Variants in CIITA observed in about 807,000 individuals in gnomAD.
CIITA encodes the protein class II major histocompatibility complex transactivator, also known as MHC class II transactivator.
CIITA carries 72 observed loss-of-function variants against 115.1 expected under a neutral mutation model. The ratio of observed to expected loss-of-function variants is 0.63; its 90% CI spans 0.52 to 0.76. CIITA has a LOEUF of 0.76. Ranked by LOEUF, CIITA falls within the 30% of genes least tolerant of loss-of-function variation. CIITA has a pLI of 0.00. For synonymous variants in CIITA, 763 were observed against 635.6 expected (o/e 1.20, Z -3.02); for missense variants, 1,617 against 1,463.8 (o/e 1.10, Z -1.71).
chr16:10,924,916 T>G lies in CIITA; in HGVS notation c.*1061T>G, dbSNP rs1201087306. 1 of 152,284 alleles carries G rather than the reference T, an allele frequency of 6.6e-6. No homozygotes were observed. The highest frequency in any genetic ancestry group is 1.5e-5 in the Non-Finnish European group (1 of 68,048). The allele number at this position is 152,284 out of a possible 1,614,324, so 9.4% of individuals were successfully genotyped here. A position where few individuals can be genotyped will look rare whatever the true frequency, so the allele number is the denominator to read the frequency against. On this transcript the variant is annotated 3_prime_UTR_variant, in exon 20 of 20. Transcript: ENST00000324288. ...CCTGTTACCATTTTGGGGTACCCAC[T>G]GCTCTGGTTATCTAATATGTAACAA...
At chr16:10,902,613 CA>C (rs1345989915) in intron 7 of CIITA, 44 bp from the exon 8 acceptor site, 1 of 1,612,412 alleles carries the variant, frequency 6.2e-7, no homozygotes, top group Admixed American at 1.7e-5. Context: ...ATCGCAAACA[CA>C]GGTGCTATGC....
At chr16:10,875,453 T>C (rs2035766009), upstream of CIITA, among the ~76,000 whole-genome samples, 1 of 152,066 alleles carries the variant, frequency 6.6e-6, no homozygotes. Context: ...ATGGGGAAAC[T>C]GAGGACCACA....
chr16:10,877,723 AG>A lies in CIITA; in HGVS notation c.52+345del, dbSNP rs2035971297. On this transcript the variant is annotated intron_variant, in intron 1 of 19. Coordinates refer to ENST00000324288, the MANE Select transcript of CIITA (RefSeq NM_000246.4). Reference sequence around the variant, plus strand: ...CTCGCCTCCCTTTGGGTAAATACTGAGGGGTGCCTCTGCAGGACGGGACCTC... The same window carrying A: ...CTCGCCTCCCTTTGGGTAAATACTGAGGGTGCCTCTGCAGGACGGGACCTC... Among the ~76,000 whole-genome samples the A allele has an allele frequency of 2.0e-5, 3 of 152,058 alleles. No homozygotes were observed. The South Asian group carries it at 6.2e-4, about 32-fold the overall frequency.
upstream of CIITA, among the ~76,000 whole-genome samples, chr16:10,876,164 A>AG (rs1408554039): frequency 6.6e-6 from 1 of 151,954 alleles, no homozygotes; most frequent in African/African-American, 2.4e-5. Context: ...CTAAAAAAAA[A>AG]CAAAAACAAA....
rs1036460903 is a variant in CIITA, at chr16:10,901,063, C to G, written c.437-451C>G. On this transcript the variant is annotated intron_variant, in intron 5 of 19. Transcript: ENST00000324288. The surrounding 1 kb of genome is among the most constrained non-coding windows in gnomAD (Gnocchi z 6.8). Reference sequence around the variant, plus strand: ...GTTTAAGCAGTCCCTTGCTAAGGGACACGTGGGTTTTTAATCTGTTGCTGT... The same window carrying G: ...GTTTAAGCAGTCCCTTGCTAAGGGAGACGTGGGTTTTTAATCTGTTGCTGT... Among the ~76,000 whole-genome samples the G allele has an allele frequency of 6.6e-6, 1 of 152,116 alleles. No homozygotes were observed. Among genetic ancestry groups the G allele is most frequent in the Admixed American group, 6.6e-5 (1 of 15,262 alleles).
At position 10,941,848 on chromosome 16, in the gene CIITA, T is replaced by C. The variant is rs1193463721; in HGVS notation, n.974T>C. The C allele has an allele frequency of 1.9e-6, 3 of 1,613,002 alleles. No homozygotes were observed. The highest frequency in any genetic ancestry group is 2.2e-5 in the East Asian group (1 of 44,876). On this transcript the variant is annotated non_coding_transcript_exon_variant, in exon 2 of 2. Coordinates refer to the CIITA transcript ENST00000573379. This position sits in a 1 kb window ranked among gnomAD's most constrained non-coding sequence, Gnocchi z 6.4. ...CTCGGGCAGGAAGACGAGGCCCACG[T>C]TGAGGACGATGTACTCCATGAGGAA...
In CIITA at chr16:10,907,326, A is replaced by G. The variant is rs142257962; in HGVS notation, c.1834A>G (p.Thr612Ala). 1.0e-4 allele frequency: 168 copies of G among 1,613,396 alleles called. 1 individual carries two copies. In the East Asian group the frequency reaches 3.7e-3, roughly 36 times the overall value. ...PLLLSHSHSP[T>A]LCRAVCQLSE... ...TCTTCTCAGTCACAGCCACAGCCCTACTTTGTGCCGGGCAGTGTGCCAGCT... is the reference window on the plus strand; with the variant it reads ...TCTTCTCAGTCACAGCCACAGCCCTGCTTTGTGCCGGGCAGTGTGCCAGCT... Residue 612 changes from threonine (T) to alanine (A), a missense_variant, in exon 11 of 20, where the codon ACT becomes GCT. By Grantham distance (58) the Thr-to-Ala change is moderately conservative. Transcript: ENST00000324288. The surrounding 1 kb of genome is among the most constrained non-coding windows in gnomAD (Gnocchi z 5.0).
intron 1 of CIITA, among the ~76,000 whole-genome samples, chr16:10,885,532 A>AG: frequency 6.6e-6 from 1 of 152,146 alleles, no homozygotes; most frequent in Non-Finnish European, 1.5e-5. Flanking sequence ...GTCTTGAGTG[A>AG]GACCAGTAGT....
Position 10,923,134 on chromosome 16 carries a change from TG to T in CIITA, c.3318-91del. The T allele has an allele frequency of 9.6e-7, 1 of 1,045,802 alleles. No homozygotes were observed. The highest frequency in any genetic ancestry group is 1.5e-6 in the Non-Finnish European group (1 of 672,218). The allele number at this position is 1,045,802 out of a possible 1,614,324, so 64.8% of individuals were successfully genotyped here. A position where few individuals can be genotyped will look rare whatever the true frequency, so the allele number is the denominator to read the frequency against. ...GGGAAAAGTCCCCAACGTTCTAGGC[TG>T]GGTGGAAGGAGGGATTTGGGGGCAG... On this transcript the variant is annotated intron_variant, in intron 18 of 19. Coordinates refer to ENST00000324288, the MANE Select transcript of CIITA (RefSeq NM_000246.4). This position sits in a 1 kb window ranked among gnomAD's most constrained non-coding sequence, Gnocchi z 5.2.
chr16:10,901,442 C>A lies in CIITA; in HGVS notation c.437-72C>A. 1 of 1,540,446 alleles carries A rather than the reference C, an allele frequency of 6.5e-7. No homozygotes were observed. The highest frequency in any genetic ancestry group is 9.0e-7 in the Non-Finnish European group (1 of 1,114,200). ...CTTGAAGTTAAGGCCGTATAGCCTG[C>A]TAGAGTCCTGAGCCCCTTCTGGCTT... On this transcript the variant is annotated intron_variant, in intron 5 of 19. Coordinates refer to ENST00000324288, the MANE Select transcript of CIITA (RefSeq NM_000246.4). This position sits in a 1 kb window ranked among gnomAD's most constrained non-coding sequence, Gnocchi z 6.8.
At position 10,907,798 on chromosome 16, in the gene CIITA, G is replaced by A. The variant is rs758941753; in HGVS notation, c.2306G>A (p.Cys769Tyr). ...AGLIFQPPAR[C>Y]LGALLGPSAA... ...CTGATCTTCCAGCCTCCCGCCCGCT[G>A]CCTGGGAGCCCTACTCGGGCCATCG... The change falls in exon 11 of 20, where the codon TGC becomes TAC. Residue 769 changes from cysteine (C) to tyrosine (Y), a missense_variant. By Grantham distance (194) the Cys-to-Tyr change is radical. Transcript: ENST00000324288. The surrounding 1 kb of genome is among the most constrained non-coding windows in gnomAD (Gnocchi z 5.0). The A allele has an allele frequency of 2.5e-6, 4 of 1,614,140 alleles. No homozygotes were observed. Among genetic ancestry groups the A allele is most frequent in the South Asian group, 1.1e-5 (1 of 91,084 alleles).
rs772143212 is a variant in CIITA, at chr16:10,906,989, C to G, written c.1497C>G (p.Asp499Glu). 3 of 1,611,488 alleles carry G rather than the reference C, an allele frequency of 1.9e-6. No homozygotes were observed. Among genetic ancestry groups the G allele is most frequent in the Non-Finnish European group, 8.5e-7 (1 of 1,179,906 alleles). The change falls in exon 11 of 20, where the codon GAC (aspartate) becomes GAG (glutamate). Residue 499 changes from aspartate (D) to glutamate (E), a missense_variant. Asp to Glu is a conservative substitution (Grantham distance 45). Transcript: ENST00000324288. ...KRPDRVLLIL[D>E]GFEELEAQDG... is the part of the protein sequence containing the mutation. ...CTGACCGCGTTCTGCTCATCCTAGA[C>G]GGCTTCGAGGAGCTGGAAGCGCAAG...
Position 10,895,716 on chromosome 16 carries a change from T to C in CIITA, c.247T>C (p.Cys83Arg). Residue 83 changes from cysteine (C) to arginine (R), a missense_variant, in exon 3 of 20, where the codon TGT becomes CGT. Coordinates refer to ENST00000324288, the MANE Select transcript of CIITA (RefSeq NM_000246.4). ...INCDQFSRLLCDMEGDEETRE... is the reference protein window; with the variant it reads ...INCDQFSRLLRDMEGDEETRE... ...CTGCGACCAGTTCAGCAGGCTGTTG[T>C]GTGACATGGAAGGTGATGAAGAGAC... 1.9e-6 allele frequency: 3 copies of C among 1,614,164 alleles called. No individual in the cohort carries two copies. In the East Asian group the frequency reaches 6.7e-5, roughly 36 times the overall value.
rs2039294525 is a variant in CIITA at position 10,907,985 on chromosome 16, C to T, written c.2493C>T (p.Gly831=). ...AGCACGTGGTACAGGAGCTCCCCGG[C>T]CGCCTCTCTTTTCTGGGCACCCGCC... ...IWQHVVQELP[G]RLSFLGTRLT... Residue 831 remains glycine, a synonymous_variant, in exon 11 of 20, where the codon GGC becomes GGT. Coordinates refer to ENST00000324288, the MANE Select transcript of CIITA (RefSeq NM_000246.4). This position sits in a 1 kb window ranked among gnomAD's most constrained non-coding sequence, Gnocchi z 5.0. 6.3e-6 allele frequency: 10 copies of T among 1,586,370 alleles called. No homozygotes were observed. Among genetic ancestry groups the T allele is most frequent in the Non-Finnish European group, 8.6e-6 (10 of 1,164,380 alleles).
At position 10,933,165 on chromosome 16, in the gene CIITA, C is replaced by A. The variant is rs1362836705; in HGVS notation, c.*9310C>A. On this transcript the variant is annotated 3_prime_UTR_variant, in exon 20 of 20. Coordinates refer to ENST00000324288, the MANE Select transcript of CIITA (RefSeq NM_000246.4). ...TTTTTCCCCCTTTCTGAAACTGTAA[C>A]CTTTCATTCCAGCCATTCCCCAGAG... 6.6e-6 allele frequency: 1 copy of A among 152,172 alleles called. No individual in the cohort carries two copies. The highest frequency in any genetic ancestry group is 2.4e-5 in the African/African-American group (1 of 41,400). 9.4% of individuals were successfully genotyped at this position (152,172 alleles called of 1,614,324 possible).
chr16:10,878,950 C>CCAGCGGACGAG, intron 1 of CIITA: 1 of 225,506 alleles, frequency 4.4e-6, no homozygotes, highest in Non-Finnish European at 8.8e-6. Flanking sequence ...GGTAGGATGA[C>CCAGCGGACGAG]CAGCGGACGA....
chr16:10,909,209 A>T (rs1489792134), intron 12 of CIITA, 22 bp downstream of exon 12: 1 of 1,613,274 alleles, frequency 6.2e-7, no homozygotes, highest in East Asian at 2.2e-5. Context: ...GGCGGATGGG[A>T]GGTGGTTCAC....
At position 10,901,432 on chromosome 16, in the gene CIITA, G is replaced by T. The variant is rs546862746; in HGVS notation, c.437-82G>T. 6.8e-7 allele frequency: 1 copy of T among 1,475,268 alleles called. No individual in the cohort carries two copies. The highest frequency in any genetic ancestry group is 9.5e-7 in the Non-Finnish European group (1 of 1,056,916). 91.4% of individuals were successfully genotyped at this position (1,475,268 alleles called of 1,614,324 possible). A position where few individuals can be genotyped will look rare whatever the true frequency, so the allele number is the denominator to read the frequency against. On this transcript the variant is annotated intron_variant, in intron 5 of 19. Transcript: ENST00000324288. This position sits in a 1 kb window ranked among gnomAD's most constrained non-coding sequence, Gnocchi z 6.8. ...ACTACCCAGCCTTGAAGTTAAGGCCGTATAGCCTGCTAGAGTCCTGAGCCC... is the reference window on the plus strand; with the variant it reads ...ACTACCCAGCCTTGAAGTTAAGGCCTTATAGCCTGCTAGAGTCCTGAGCCC...
chr16:10,919,703 T>A (rs182588051), intron 16 of CIITA, among the ~76,000 whole-genome samples: 64 of 152,276 alleles, frequency 4.2e-4, no homozygotes, highest in African/African-American at 1.5e-3. Flanking sequence ...TTTTACAATA[T>A]TTTATTTATG....
Sources: allele counts gnomAD v4.1 joint callset (sites outside exome capture counted in the v4.1 genomes callset), GRCh38; gene constraint gnomAD v4.1.1; non-coding constraint Gnocchi (gnomAD v3.1); transcripts MANE v1.5; gene names NCBI Gene and HGNC (gene_info 2026-07-23, HGNC 2026-07-21).